The following EPB41L5 variants were observed in gnomAD, a reference collection of about 807,000 sequenced individuals.
EPB41L5 encodes erythrocyte membrane protein band 4.1 like 5.
In EPB41L5, 55 loss-of-function variants were observed where a neutral mutation model predicts 106.6. The ratio of observed to expected loss-of-function variants is 0.52; its 90% CI spans 0.42 to 0.65. EPB41L5 has a LOEUF of 0.65. Among genes scored for constraint, EPB41L5 ranks in the 30% least tolerant of loss-of-function variants. The probability of loss-of-function intolerance (pLI) is 0.00; values close to 1 mark genes in which losing one functional copy is unlikely to be tolerated. For synonymous variants in EPB41L5, 297 were observed against 306.7 expected, an observed-to-expected ratio of 0.97 and a Z score of 0.33; for missense variants, 871 against 882.1, an observed-to-expected ratio of 0.99 and a Z score of 0.16.
chr2:120,035,351 G>A (rs1471560088), intron 2 of EPB41L5, among the ~76,000 whole-genome samples: 1 of 152,088 alleles, frequency 6.6e-6, no homozygotes, highest in Non-Finnish European at 1.5e-5. Context: ...CTCCTGCCTT[G>A]GCTTCCCAAA....
intron 7 of EPB41L5, 142 bp from the exon 8 acceptor site, chr2:120,076,829 C>A: frequency 2.9e-6 from 2 of 680,492 alleles, no homozygotes; most frequent in Non-Finnish European, 4.6e-6. Flanking sequence ...GCCAGATTTA[C>A]TTTTGGAGAC....
chr2:120,075,871 C>T (rs1406367691), intron 7 of EPB41L5, 118 bp downstream of exon 7: 1 of 822,862 alleles, frequency 1.2e-6, no homozygotes, highest in Non-Finnish European at 2.0e-6. Flanking sequence ...TTTGTATAAA[C>T]TTGTATCAGG....
intron 19 of EPB41L5, among the ~76,000 whole-genome samples, chr2:120,144,842 A>G (rs970367565): frequency 6.6e-6 from 1 of 152,226 alleles, no homozygotes; most frequent in African/African-American, 2.4e-5. Context: ...TCTTGGGGAA[A>G]ATGTTGGTTT....
chr2:120,030,416 C>G (rs112545392), intron 2 of EPB41L5, among the ~76,000 whole-genome samples: 62 of 152,300 alleles, frequency 4.1e-4, no homozygotes, highest in African/African-American at 1.4e-3. Flanking sequence ...TCACCCAGAT[C>G]GGTAATCTGG....
chr2:120,088,808 T>C (rs1324772041), intron 11 of EPB41L5, among the ~76,000 whole-genome samples: 1 of 152,212 alleles, frequency 6.6e-6, no homozygotes, highest in African/African-American at 2.4e-5. Flanking sequence ...TTTTAGTTTG[T>C]GTTCCCCTAA....
intron 3 of EPB41L5, among the ~76,000 whole-genome samples, chr2:120,051,048 T>G (rs1353025678): frequency 6.6e-6 from 1 of 152,190 alleles, no homozygotes; most frequent in East Asian, 1.9e-4. Context: ...CCCAGCCTTG[T>G]GAGGTGTCAG....
At chr2:120,037,102 A>G (rs889449717) in intron 2 of EPB41L5, among the ~76,000 whole-genome samples, 5 of 152,124 alleles carry the variant, frequency 3.3e-5, no homozygotes, top group African/African-American at 1.2e-4. Flanking sequence ...AGGAAAAAAA[A>G]ACCTTATGGT....
chr2:120,050,656 C>G (rs1223035382), intron 3 of EPB41L5, among the ~76,000 whole-genome samples: 1 of 152,202 alleles, frequency 6.6e-6, no homozygotes, highest in Non-Finnish European at 1.5e-5. Flanking sequence ...CTTCTCGCAA[C>G]TTGTCAAAGT....
intron 16 of EPB41L5, among the ~76,000 whole-genome samples, chr2:120,102,444 A>T (rs995349228): frequency 3.9e-5 from 6 of 152,028 alleles, no homozygotes; most frequent in Non-Finnish European, 8.8e-5. Flanking sequence ...AAGGGCATGG[A>T]ACTGAATATA....
intron 10 of EPB41L5, among the ~76,000 whole-genome samples, chr2:120,083,699 G>A (rs1352832538): frequency 1.3e-5 from 2 of 152,070 alleles, no homozygotes; most frequent in Non-Finnish European, 2.9e-5. Flanking sequence ...TTGACAGTGG[G>A]GTGTTAAAGT....
intron 3 of EPB41L5, among the ~76,000 whole-genome samples, chr2:120,061,020 G>C (rs1299370825): frequency 7.4e-6 from 1 of 135,970 alleles, no homozygotes; most frequent in Non-Finnish European, 1.6e-5. Flanking sequence ...AATTTTAACT[G>C]GTTCAGGGAA....
intron 3 of EPB41L5, among the ~76,000 whole-genome samples, chr2:120,044,250 A>G (rs555766357): frequency 3.3e-5 from 5 of 151,552 alleles, no homozygotes; most frequent in African/African-American, 9.7e-5. Flanking sequence ...AGTGTAGGAG[A>G]TATTTCTTTT....
chr2:120,148,391 A>G (rs932482027), intron 20 of EPB41L5, among the ~76,000 whole-genome samples: 3 of 151,658 alleles, frequency 2.0e-5, no homozygotes, highest in African/African-American at 7.3e-5. Context: ...TAGTTCTCAT[A>G]TATACTCATC....
At chr2:120,158,849 C>T (rs899814971) in intron 20 of EPB41L5, among the ~76,000 whole-genome samples, 4 of 152,168 alleles carry the variant, frequency 2.6e-5, no homozygotes, top group Non-Finnish European at 5.9e-5. Context: ...CCCATAGTCT[C>T]AGCCTAAAAG....
intron 20 of EPB41L5, among the ~76,000 whole-genome samples, chr2:120,157,698 G>A (rs1686959439): frequency 6.6e-6 from 1 of 151,654 alleles, no homozygotes; most frequent in Admixed American, 6.6e-5. Context: ...GAACCTGGGA[G>A]GCGGAGGTTG....
intron 1 of EPB41L5, among the ~76,000 whole-genome samples, chr2:120,016,704 A>C (rs1677553360): frequency 6.6e-6 from 1 of 151,812 alleles, no homozygotes; most frequent in African/African-American, 2.4e-5. Context: ...CTCAGGTTGG[A>C]GTGCACTGGT....
chr2:120,107,134 T>C (rs1000779368), intron 16 of EPB41L5, among the ~76,000 whole-genome samples: 6 of 152,170 alleles, frequency 3.9e-5, no homozygotes, highest in African/African-American at 1.4e-4. Context: ...GTTGGATCTT[T>C]TTATTTACTA....
At chr2:120,129,676 G>A (rs1249796464) in intron 17 of EPB41L5, among the ~76,000 whole-genome samples, 1 of 152,148 alleles carries the variant, frequency 6.6e-6, no homozygotes, top group East Asian at 1.9e-4. Flanking sequence ...AACTAGGAAT[G>A]CTTAAAAAAA....
intron 16 of EPB41L5, among the ~76,000 whole-genome samples, chr2:120,118,669 G>A (rs562908949): frequency 6.6e-5 from 10 of 152,302 alleles, no homozygotes; most frequent in African/African-American, 2.2e-4. Context: ...TGCAAAGGAC[G>A]TGATCTCATT....
Sources: gnomAD v4.1 joint callset for allele counts (sites outside exome capture counted in the v4.1 genomes callset) on GRCh38, gnomAD v4.1.1 for gene constraint, MANE v1.5 for transcripts, NCBI Gene and HGNC (gene_info 2026-07-23, HGNC 2026-07-21) for gene names.